MR1: variants seen among roughly 807,000 people sequenced by gnomAD.
The protein encoded by MR1 is major histocompatibility complex class I-related protein 1.
In MR1, 44 loss-of-function variants were observed where a neutral mutation model predicts 37.8. The observed-to-expected ratio is 1.16, with a 90% CI of 0.91 to 1.50. The LOEUF (loss-of-function observed/expected upper bound fraction) is 1.50, where lower values mean the gene tolerates loss of function less well. Among genes scored for constraint, MR1 ranks in the 40% most tolerant of loss-of-function variants. MR1 has a pLI of 0.00. For synonymous variants in MR1, 153 were observed against 155.8 expected (o/e 0.98, Z 0.13); for missense variants, 386 against 419.1 (o/e 0.92, Z 0.69).
At chr1:181,054,775 C>T (rs891617572) in intron 5 of MR1, among the ~76,000 whole-genome samples, 1 of 151,956 alleles carries the variant, frequency 6.6e-6, no homozygotes, top group Non-Finnish European at 1.5e-5. Context: ...ACAGGAGAAT[C>T]GCTTGAACCT....
rs564236701 is a variant in MR1, at chr1:181,045,844, G to A, written c.68-3208G>A. Among the ~76,000 whole-genome samples, 1,383 of 152,340 alleles carry A rather than the reference G, an allele frequency of 9.1e-3. 18 individuals carry two copies. Among genetic ancestry groups the A allele is most frequent in the African/African-American group, 0.032 (1,332 of 41,572 alleles). On this transcript the variant is annotated intron_variant, in intron 1 of 5. Transcript: ENST00000367580. ...CAGGGAGGTGTGGAGGGAGAGGCGCGAGCGGGAACCCGGGCTGCGGGCGGC... is the reference window on the plus strand; with the variant it reads ...CAGGGAGGTGTGGAGGGAGAGGCGCAAGCGGGAACCCGGGCTGCGGGCGGC...
At chr1:181,036,372 T>G (rs1657269024) in intron 1 of MR1, among the ~76,000 whole-genome samples, 1 of 152,190 alleles carries the variant, frequency 6.6e-6, no homozygotes, top group Non-Finnish European at 1.5e-5. Flanking sequence ...ATGACCCATC[T>G]GGCTTGAAGG....
At chr1:181,049,020 C>T (rs1323918442) in intron 1 of MR1, 32 bp from the exon 2 acceptor site, 2 of 1,602,094 alleles carry the variant, frequency 1.2e-6, no homozygotes, top group East Asian at 2.2e-5. Context: ...ATCTGGGACC[C>T]TACATGTCTT....
intron 4 of MR1, among the ~76,000 whole-genome samples, 168 bp from the exon 5 acceptor site, chr1:181,053,405 C>G (rs1290859400): frequency 6.6e-6 from 1 of 150,854 alleles, no homozygotes; most frequent in Non-Finnish European, 1.5e-5. Context: ...AAATTAAACA[C>G]AAGAAAACAC....
intron 1 of MR1, among the ~76,000 whole-genome samples, chr1:181,040,641 G>A (rs1443210139): frequency 6.6e-6 from 1 of 152,166 alleles, no homozygotes; most frequent in Non-Finnish European, 1.5e-5. Context: ...ACGCTGGGCT[G>A]AACCAGTGGT....
At position 181,053,493 on chromosome 1, in the gene MR1, T is replaced by C. The variant is rs1191127186; in HGVS notation, c.881-80T>C. ...AAAATGGTGTTGGGTTTCCTGATGA[T>C]CACAGGGACAAAAGTCCCAGAAAGT... is the stretch of plus-strand genomic sequence containing the variant. On this transcript the variant is annotated intron_variant, in intron 4 of 5. Transcript: ENST00000367580. The C allele has an allele frequency of 4.7e-6, 5 of 1,056,144 alleles. No homozygotes were observed. The African/African-American group carries it at 7.8e-5, about 17-fold the overall frequency. 65.4% of individuals were successfully genotyped at this position (1,056,144 alleles called of 1,614,324 possible).
intron 3 of MR1, among the ~76,000 whole-genome samples, chr1:181,051,549 G>T (rs1658324300): frequency 2.6e-5 from 4 of 152,104 alleles, no homozygotes; most frequent in Admixed American, 2.6e-4. Context: ...CTTTGGTCTC[G>T]GTATGGCTGT....
At chr1:181,047,404 G>A (rs1287414401) in intron 1 of MR1, among the ~76,000 whole-genome samples, 1 of 152,038 alleles carries the variant, frequency 6.6e-6, no homozygotes, top group African/African-American at 2.4e-5. Flanking sequence ...TTCGAGACCA[G>A]CCTGACTAAC....
At chr1:181,052,072 A>T (rs1298589483) in intron 3 of MR1, among the ~76,000 whole-genome samples, 163 bp from the exon 4 acceptor site, 1 of 152,230 alleles carries the variant, frequency 6.6e-6, no homozygotes, top group Non-Finnish European at 1.5e-5. Flanking sequence ...CATGGAAGGT[A>T]TACGTAAATA....
intron 1 of MR1, among the ~76,000 whole-genome samples, chr1:181,035,853 T>A (rs1347129045): frequency 6.6e-6 from 1 of 152,082 alleles, no homozygotes; most frequent in East Asian, 1.9e-4. Context: ...ACTTTGATAA[T>A]TGGGGGGACA....
chr1:181,055,625 C>T lies in MR1; in HGVS notation c.*360C>T, dbSNP rs1658571784. ...TTTCAACCAGAGCAGGAACTGTCTT[C>T]TGCAATGCCTTGGACTTGAGCCTCC... On this transcript the variant is annotated 3_prime_UTR_variant, in exon 6 of 6. Transcript: ENST00000367580. 1.5e-5 allele frequency: 4 copies of T among 265,310 alleles called. No homozygotes were observed. The allele number at this position is 265,310 out of a possible 1,614,324, so 16.4% of individuals were successfully genotyped here. A position where few individuals can be genotyped will look rare whatever the true frequency, so the allele number is the denominator to read the frequency against.
At chr1:181,045,371 C>T (rs891781292) in intron 1 of MR1, among the ~76,000 whole-genome samples, 1 of 152,142 alleles carries the variant, frequency 6.6e-6, no homozygotes, top group African/African-American at 2.4e-5. Flanking sequence ...GGTACGTAGC[C>T]TTCTCAGCCT....
rs879371443 is a variant in MR1 at position 181,048,489 on chromosome 1, C to T, written c.68-563C>T. Among the ~76,000 whole-genome samples the T allele has an allele frequency of 4.8e-5, 7 of 146,330 alleles. No homozygotes were observed. In the East Asian group the frequency reaches 8.3e-4, roughly 17 times the overall value. On this transcript the variant is annotated intron_variant, in intron 1 of 5. Transcript: ENST00000367580. ...GGCGGAGGTTGCAGTGAACAGAGAT[C>T]GTGCCATTGCACTCCAGCCTGGGCA...
chr1:181,034,299 G>C (rs555124033), intron 1 of MR1, among the ~76,000 whole-genome samples: 1 of 152,284 alleles, frequency 6.6e-6, no homozygotes, highest in East Asian at 1.9e-4. Flanking sequence ...AGCCGTTCTA[G>C]AAAGACTCTG....
chr1:181,060,012 G>A lies in MR1; in HGVS notation c.*4747G>A, dbSNP rs1658828645. ...TTTAAAAGTACCACAAAAACTGGGTGGCTTGGAACAACAGAAATTTATTGT... is the reference window on the plus strand; with the variant it reads ...TTTAAAAGTACCACAAAAACTGGGTAGCTTGGAACAACAGAAATTTATTGT... On this transcript the variant is annotated 3_prime_UTR_variant, in exon 6 of 6. Coordinates refer to ENST00000367580, the MANE Select transcript of MR1 (RefSeq NM_001385161.1). The A allele has an allele frequency of 6.6e-6, 1 of 152,146 alleles. No homozygotes were observed. Among genetic ancestry groups the A allele is most frequent in the Non-Finnish European group, 1.5e-5 (1 of 68,026 alleles). The allele number at this position is 152,146 out of a possible 1,614,324, so 9.4% of individuals were successfully genotyped here.
rs1658887059 is a variant in MR1 at position 181,061,243 on chromosome 1, A to G, written c.*5978A>G. ...TGGTTTGTGAACCAACTGAAGACAT[A>G]AGCAGGGCCTCAGCTAACCCACAAA... is the stretch of plus-strand genomic sequence containing the variant. On this transcript the variant is annotated 3_prime_UTR_variant, in exon 6 of 6. Coordinates refer to ENST00000367580, the MANE Select transcript of MR1 (RefSeq NM_001385161.1). 2 of 152,262 alleles carry G rather than the reference A, an allele frequency of 1.3e-5. No individual in the cohort carries two copies. Among genetic ancestry groups the G allele is most frequent in the Admixed American group, 6.5e-5 (1 of 15,288 alleles). The allele number at this position is 152,262 out of a possible 1,614,324, so 9.4% of individuals were successfully genotyped here. A position where few individuals can be genotyped will look rare whatever the true frequency, so the allele number is the denominator to read the frequency against.
chr1:181,033,834 A>C, upstream of MR1: 1 of 561,368 alleles, frequency 1.8e-6, no homozygotes, highest in Non-Finnish European at 3.1e-6. Flanking sequence ...AAGACTTAAA[A>C]GTTACCGAAG....
intron 1 of MR1, among the ~76,000 whole-genome samples, chr1:181,040,954 C>T (rs1024713725): frequency 1.3e-5 from 2 of 151,608 alleles, no homozygotes; most frequent in East Asian, 3.9e-4. Context: ...TAGTGGCAGG[C>T]GCCTGTAATC....
chr1:181,051,421 A>G (rs1431217798), intron 3 of MR1: 2 of 152,170 alleles, frequency 1.3e-5, no homozygotes, highest in Admixed American at 1.3e-4. Flanking sequence ...CTCGGTAAAG[A>G]GACAAGGAAA....
Sources: gnomAD v4.1 joint callset for allele counts (sites outside exome capture counted in the v4.1 genomes callset) on GRCh38, gnomAD v4.1.1 for gene constraint, MANE v1.5 for transcripts, NCBI Gene and HGNC (gene_info 2026-07-23, HGNC 2026-07-21) for gene names.